The following RNF217 variants were observed in gnomAD, a reference collection of about 807,000 sequenced individuals.
The protein encoded by RNF217 is E3 ubiquitin-protein ligase RNF217.
RNF217 carries 31 observed loss-of-function variants against 57.8 expected under a neutral mutation model. The ratio of observed to expected loss-of-function variants is 0.54; its 90% CI spans 0.40 to 0.72. The LOEUF is 0.72. Ranked by LOEUF, RNF217 falls within the 30% of genes least tolerant of loss-of-function variation. The pLI is 0.00. For missense variants in RNF217, 696 were observed against 708.3 expected (o/e 0.98, Z 0.20); for synonymous variants, 313 against 294.0 (o/e 1.06, Z -0.66).
chr6:125,030,057 A>G (rs1215016415), intron 1 of RNF217, among the ~76,000 whole-genome samples: 1 of 152,186 alleles, frequency 6.6e-6, no homozygotes, highest in African/African-American at 2.4e-5. Flanking sequence ...CTTACATGGC[A>G]GCAGCAAGAG....
At chr6:125,066,591 C>T (rs901795630) in intron 3 of RNF217, among the ~76,000 whole-genome samples, 1 of 152,094 alleles carries the variant, frequency 6.6e-6, no homozygotes, top group African/African-American at 2.4e-5. Flanking sequence ...GTAAAACTTC[C>T]CTTGGTCACC....
At chr6:125,004,179 G>A (rs1217132609) in intron 1 of RNF217, among the ~76,000 whole-genome samples, 1 of 152,076 alleles carries the variant, frequency 6.6e-6, no homozygotes, top group East Asian at 1.9e-4. Flanking sequence ...AGAAAACAGG[G>A]CTTGCCAGTT....
intron 1 of RNF217, among the ~76,000 whole-genome samples, chr6:124,970,548 A>G (rs2114987942): frequency 6.6e-6 from 1 of 152,340 alleles, no homozygotes. Context: ...TGTGCCTTTT[A>G]GACATTCATG....
In RNF217 at chr6:125,083,692, T is replaced by C. The variant is rs1788684068; in HGVS notation, c.*755T>C. On this transcript the variant is annotated 3_prime_UTR_variant, in exon 6 of 6. Coordinates refer to ENST00000521654, the MANE Select transcript of RNF217 (RefSeq NM_001286398.3). ...CCTTTGTGGACATAATTTAGCAATG[T>C]ATTAAATTAAAGTCAATGTAGACAA... is the stretch of plus-strand genomic sequence containing the variant. The C allele has an allele frequency of 6.6e-6, 1 of 152,064 alleles. No homozygotes were observed. The highest frequency in any genetic ancestry group is 2.1e-4 in the South Asian group (1 of 4,830). 9.4% of individuals were successfully genotyped at this position (152,064 alleles called of 1,614,324 possible). A position where few individuals can be genotyped will look rare whatever the true frequency, so the allele number is the denominator to read the frequency against.
rs1787053624 is a variant in RNF217, at chr6:125,045,291, C to T, written c.963C>T (p.Asn321=). Residue 321 remains asparagine (N), a synonymous_variant, in exon 2 of 6, where the codon AAC becomes AAT. Coordinates refer to ENST00000521654, the MANE Select transcript of RNF217 (RefSeq NM_001286398.3). ...EFLEETTVVY[N]LTHEDSIKYK... ...TGGAAGAAACAACTGTTGTCTATAA[C>T]TTAACGCATGAAGACTCCATCAAGT... The T allele has an allele frequency of 5.6e-6, 9 of 1,613,250 alleles. No individual in the cohort carries two copies. In the South Asian group the frequency reaches 7.7e-5, roughly 14 times the overall value.
At chr6:124,995,675 A>G (rs993946751) in intron 1 of RNF217, among the ~76,000 whole-genome samples, 29 of 152,230 alleles carry the variant, frequency 1.9e-4, no homozygotes, top group African/African-American at 6.5e-4. Flanking sequence ...TAATCCCAGC[A>G]CTTTGGGAGG....
chr6:125,025,362 A>G (rs1278938067), intron 1 of RNF217, among the ~76,000 whole-genome samples: 2 of 152,152 alleles, frequency 1.3e-5, no homozygotes, highest in African/African-American at 4.8e-5. Context: ...CACAATCCTA[A>G]CGAGTTTTTT....
At chr6:125,075,105 CA>C (rs1399156829) in intron 3 of RNF217, among the ~76,000 whole-genome samples, 1 of 152,150 alleles carries the variant, frequency 6.6e-6, no homozygotes. Flanking sequence ...GAATGCAGCC[CA>C]ACACTAATTT....
intron 5 of RNF217, chr6:125,082,366 G>A (rs1788605717): frequency 7.4e-7 from 1 of 1,350,364 alleles, no homozygotes; most frequent in East Asian, 2.6e-5. Flanking sequence ...AGGACAGATA[G>A]AATTATAAAG....
intron 3 of RNF217, among the ~76,000 whole-genome samples, chr6:125,071,526 GTGTGTGTGTGTA>G (rs1399345377): frequency 6.4e-5 from 4 of 62,280 alleles, no homozygotes; most frequent in African/African-American, 2.5e-4. Flanking sequence ...GTGTGTGTGT[GTGTGTGTGTGTA>G]TATCTTATTA....
chr6:125,028,564 T>C (rs1786211515), intron 1 of RNF217, among the ~76,000 whole-genome samples: 1 of 152,094 alleles, frequency 6.6e-6, no homozygotes, highest in African/African-American at 2.4e-5. Context: ...CCAAAAGAAA[T>C]ATGTTTCTAG....
intron 1 of RNF217, among the ~76,000 whole-genome samples, chr6:124,965,638 C>T (rs1783510282): frequency 6.6e-6 from 1 of 151,934 alleles, no homozygotes; most frequent in South Asian, 2.1e-4. Flanking sequence ...TCATAGATAC[C>T]GGGCATGCTT....
intron 2 of RNF217, among the ~76,000 whole-genome samples, chr6:125,049,667 A>G (rs1031070854): frequency 7.6e-6 from 1 of 132,374 alleles, no homozygotes; most frequent in African/African-American, 4.2e-5. Context: ...ACTTAGCACC[A>G]CATATGACAC....
intron 1 of RNF217, among the ~76,000 whole-genome samples, chr6:124,991,477 G>T (rs527974339): frequency 1.4e-4 from 22 of 152,192 alleles, no homozygotes; most frequent in African/African-American, 5.1e-4. Flanking sequence ...TTAATCTGCT[G>T]TATTTTTTCA....
chr6:124,975,630 T>C (rs1783927746), intron 1 of RNF217, among the ~76,000 whole-genome samples: 1 of 152,084 alleles, frequency 6.6e-6, no homozygotes, highest in Admixed American at 6.6e-5. Context: ...AGAGATAGAG[T>C]TCTGCCATGT....
rs1274519256 is a variant in RNF217 at position 125,045,389 on chromosome 6, C to T, written c.1061C>T (p.Thr354Ile). The change falls in exon 2 of 6, where the codon ACC becomes ATC. Residue 354 changes from threonine (T) to isoleucine (I), a missense_variant. Thr to Ile is a moderately conservative substitution (Grantham distance 89). Transcript: ENST00000521654. ...KPCPQCKHFTTFKKKGHIPTP... is the reference protein window; with the variant it reads ...KPCPQCKHFTIFKKKGHIPTP... ...TGTCCTCAGTGCAAGCACTTTACAA[C>T]CTTCAAGAAAAAAGGACATATTCCC... 1.2e-6 allele frequency: 2 copies of T among 1,613,106 alleles called. No homozygotes were observed. Among genetic ancestry groups the T allele is most frequent in the South Asian group, 2.2e-5 (2 of 91,024 alleles).
At chr6:125,046,773 A>G in intron 2 of RNF217, 1 of 435,976 alleles carries the variant, frequency 2.3e-6, no homozygotes, top group South Asian at 1.7e-5. Flanking sequence ...TGCAGTTATA[A>G]GCTACAGTAT....
intron 1 of RNF217, among the ~76,000 whole-genome samples, chr6:125,008,419 A>G (rs1447257146): frequency 8.5e-5 from 13 of 152,202 alleles, no homozygotes; most frequent in African/African-American, 2.7e-4. Context: ...GCATTAACCA[A>G]TCCTGGACCT....
chr6:125,052,497 T>C (rs569373252), intron 2 of RNF217, among the ~76,000 whole-genome samples: 1 of 152,162 alleles, frequency 6.6e-6, no homozygotes, highest in African/African-American at 2.4e-5. Context: ...ATGAAGACTG[T>C]ATGTTACTGG....
Sources: allele counts gnomAD v4.1 joint callset (sites outside exome capture counted in the v4.1 genomes callset), GRCh38; gene constraint gnomAD v4.1.1; transcripts MANE v1.5; gene names NCBI Gene and HGNC (gene_info 2026-07-23, HGNC 2026-07-21).